Variants in CA10 observed in about 807,000 individuals in gnomAD.
CA10 encodes the protein carbonic anhydrase 10 (inactive), also known as carbonic anhydrase-related protein 10.
Under a neutral mutation model 44.2 loss-of-function variants are expected in CA10, and 14 were observed. The ratio of observed to expected loss-of-function variants is 0.32; its 90% CI spans 0.21 to 0.50. The LOEUF is 0.50. Ranked by LOEUF, CA10 falls within the 20% of genes least tolerant of loss-of-function variation. The pLI is 0.99. For missense variants in CA10, 350 were observed against 409.7 expected (o/e 0.85, Z 1.26); for synonymous variants, 159 against 141.6 (o/e 1.12, Z -0.87).
chr17:52,040,145 CTT>C (rs200635464), intron 2 of CA10, among the ~76,000 whole-genome samples: 10 of 139,022 alleles, frequency 7.2e-5, no homozygotes, highest in Admixed American at 2.9e-4. Context: ...TCTTTTTTTT[CTT>C]TTTTTTTTTT....
At chr17:51,765,470 A>G (rs1211105388) in intron 3 of CA10, among the ~76,000 whole-genome samples, 1 of 152,198 alleles carries the variant, frequency 6.6e-6, no homozygotes, top group Non-Finnish European at 1.5e-5. Flanking sequence ...CAAGATAATT[A>G]TGGGCCAGAG....
chr17:51,935,974 A>T (rs1982848966), intron 2 of CA10, among the ~76,000 whole-genome samples: 1 of 152,150 alleles, frequency 6.6e-6, no homozygotes, highest in Admixed American at 6.5e-5. Flanking sequence ...GCTTTTAGGC[A>T]TCTTCCTTAT....
intron 3 of CA10, among the ~76,000 whole-genome samples, chr17:51,833,728 T>C (rs1402361916): frequency 3.3e-5 from 5 of 152,192 alleles, no homozygotes; most frequent in Non-Finnish European, 7.3e-5. Flanking sequence ...AGTTCTGAAA[T>C]ATGTATATAT....
chr17:51,985,644 C>A (rs935768804), intron 2 of CA10, among the ~76,000 whole-genome samples: 2 of 151,292 alleles, frequency 1.3e-5, no homozygotes, highest in Non-Finnish European at 3.0e-5. Context: ...TTAGAACTGA[C>A]AAATTCAGCA....
intron 2 of CA10, among the ~76,000 whole-genome samples, chr17:51,945,236 G>C (rs1983228908): frequency 1.3e-5 from 2 of 152,066 alleles, no homozygotes; most frequent in Non-Finnish European, 1.5e-5. Flanking sequence ...ACAAATGAGG[G>C]CTCAGCTGCC....
At chr17:51,986,562 A>AG (rs1205692936) in intron 2 of CA10, among the ~76,000 whole-genome samples, 2 of 151,946 alleles carry the variant, frequency 1.3e-5, no homozygotes, top group Non-Finnish European at 2.9e-5. Context: ...AAGAGTTAGC[A>AG]GAGCAGACAA....
At chr17:51,665,886 G>A (rs539153175) in intron 4 of CA10, among the ~76,000 whole-genome samples, 3 of 152,340 alleles carry the variant, frequency 2.0e-5, no homozygotes, top group African/African-American at 7.2e-5. Flanking sequence ...GTTTCAGTAG[G>A]CAGCATGTTT....
chr17:51,887,686 G>A (rs776813867), intron 3 of CA10, among the ~76,000 whole-genome samples: 1 of 151,850 alleles, frequency 6.6e-6, no homozygotes, highest in Non-Finnish European at 1.5e-5. Context: ...GTGTTGGCTG[G>A]GCGCAGTGGC....
intron 2 of CA10, among the ~76,000 whole-genome samples, chr17:51,990,878 A>G (rs1985015177): frequency 6.6e-6 from 1 of 152,012 alleles, no homozygotes; most frequent in Non-Finnish European, 1.5e-5. Flanking sequence ...GGTCAGAAAA[A>G]CCACTTGTAT....
At chr17:52,032,739 G>A (rs1023638714) in intron 2 of CA10, among the ~76,000 whole-genome samples, 1 of 152,140 alleles carries the variant, frequency 6.6e-6, no homozygotes, top group Non-Finnish European at 1.5e-5. Context: ...TGGAAGTCAG[G>A]CACGTTGAAA....
intron 2 of CA10, among the ~76,000 whole-genome samples, chr17:51,958,728 A>G (rs369288406): frequency 1.3e-5 from 2 of 152,208 alleles, no homozygotes; most frequent in South Asian, 4.1e-4. Flanking sequence ...CAAACATATC[A>G]GGCTAAAATA....
chr17:52,086,807 A>G (rs1988127816), intron 1 of CA10, among the ~76,000 whole-genome samples: 1 of 152,230 alleles, frequency 6.6e-6, no homozygotes, highest in Non-Finnish European at 1.5e-5. Context: ...ATGGGGTCTC[A>G]AAGATGTCCC....
At chr17:51,788,746 C>A (rs1429880825) in intron 3 of CA10, among the ~76,000 whole-genome samples, 1 of 152,172 alleles carries the variant, frequency 6.6e-6, no homozygotes, top group Non-Finnish European at 1.5e-5. Flanking sequence ...AAAGCAGCAG[C>A]TTTGGAAGTG....
intron 3 of CA10, among the ~76,000 whole-genome samples, chr17:51,786,860 G>GT (rs1906309329): frequency 6.6e-6 from 1 of 151,744 alleles, no homozygotes; most frequent in South Asian, 2.1e-4. Context: ...TCTATACCTA[G>GT]TTTTTTGAGG....
chr17:51,695,977 A>G lies in CA10; in HGVS notation c.466-42241T>C, dbSNP rs117154202. 1.4e-3 allele frequency among the ~76,000 whole-genome samples: 212 copies of G among 152,216 alleles called. 4 individuals carry two copies. In the East Asian group the frequency reaches 0.039, roughly 28 times the overall value. On this transcript the variant is annotated intron_variant, in intron 4 of 8. Coordinates refer to ENST00000451037, the MANE Select transcript of CA10 (RefSeq NM_020178.5). ...TGTGGTGAATCACATCTATTGATTCATATATATTGAACCAACCTTGCATCC... is the reference window on the plus strand; with the variant it reads ...TGTGGTGAATCACATCTATTGATTCGTATATATTGAACCAACCTTGCATCC...
intron 3 of CA10, among the ~76,000 whole-genome samples, chr17:51,827,434 G>C (rs564011195): frequency 2.0e-5 from 3 of 152,078 alleles, no homozygotes; most frequent in East Asian, 3.9e-4. Context: ...GTTAAAATGT[G>C]AAAAAATGTT....
chr17:51,927,064 A>C (rs1277108680), intron 3 of CA10, among the ~76,000 whole-genome samples: 1 of 152,186 alleles, frequency 6.6e-6, no homozygotes, highest in Non-Finnish European at 1.5e-5. Context: ...TCTCTTTTTT[A>C]GATCCTACCT....
At chr17:51,761,334 G>A (rs1905211829) in intron 3 of CA10, 1 of 152,168 alleles carries the variant, frequency 6.6e-6, no homozygotes, top group Non-Finnish European at 1.5e-5. Flanking sequence ...GCCTGGGTTG[G>A]CAGTTAGAAT....
chr17:52,128,489 G>T (rs564519870), intron 1 of CA10, among the ~76,000 whole-genome samples: 1 of 152,158 alleles, frequency 6.6e-6, no homozygotes, highest in African/African-American at 2.4e-5. Flanking sequence ...CGTCCACTGT[G>T]GCATCTTTTC....
Sources: allele counts gnomAD v4.1 joint callset (sites outside exome capture counted in the v4.1 genomes callset), GRCh38; gene constraint gnomAD v4.1.1; transcripts MANE v1.5; gene names NCBI Gene and HGNC (gene_info 2026-07-23, HGNC 2026-07-21).